Variants in SMC2 observed in about 807,000 individuals in gnomAD.
SMC2 encodes structural maintenance of chromosomes 2, also known as structural maintenance of chromosomes protein 2.
SMC2 carries 41 observed loss-of-function variants against 142.6 expected under a neutral mutation model. The observed-to-expected ratio is 0.29, with a 90% CI of 0.22 to 0.37. The LOEUF (loss-of-function observed/expected upper bound fraction) is 0.37, where lower values mean the gene tolerates loss of function less well. Ranked by LOEUF, SMC2 falls within the 10% of genes least tolerant of loss-of-function variation. The pLI, the probability that SMC2 is intolerant of heterozygous loss-of-function variation, is 1.00. For missense variants in SMC2, 1,265 were observed against 1,373.7 expected (o/e 0.92, Z 1.25); for synonymous variants, 463 against 457.5 (o/e 1.01, Z -0.15).
Position 104,100,140 on chromosome 9 carries a change from C to CA in SMC2, c.535dup (p.Ile179AsnfsTer13), listed in dbSNP as rs1190851291. On this transcript the variant is annotated frameshift_variant, in exon 6 of 25. Transcript: ENST00000374793. LOFTEE classifies it high-confidence loss of function. ...CAGCTGGAACCAGGATGTATGAATACAAAAAAATAGCTGCACAGAAAACTA... is the reference window on the plus strand; with the variant it reads ...CAGCTGGAACCAGGATGTATGAATACAAAAAAAATAGCTGCACAGAAAACTA... 3.2e-6 allele frequency: 5 copies of CA among 1,577,264 alleles called. No individual in the cohort carries two copies. Among genetic ancestry groups the CA allele is most frequent in the Middle Eastern group, 1.8e-4 (1 of 5,692 alleles).
chr9:104,141,312 G>T lies in SMC2; in HGVS notation c.*1997G>T, dbSNP rs1165801901. The T allele has an allele frequency of 6.6e-6, 1 of 152,168 alleles. No homozygotes were observed. The highest frequency in any genetic ancestry group is 2.4e-5 in the African/African-American group (1 of 41,438). 9.4% of individuals were successfully genotyped at this position (152,168 alleles called of 1,614,324 possible). ...TCAGGGTGATAATACAGTTAGGAGTGTCAGGGCCCATGGACAAATCTTGTC... is the reference window on the plus strand; with the variant it reads ...TCAGGGTGATAATACAGTTAGGAGTTTCAGGGCCCATGGACAAATCTTGTC... On this transcript the variant is annotated 3_prime_UTR_variant, in exon 25 of 25. Coordinates refer to ENST00000374793, the MANE Select transcript of SMC2 (RefSeq NM_006444.3).
chr9:104,137,331 TATA>T (rs1434787722), intron 23 of SMC2, among the ~76,000 whole-genome samples: 2 of 152,052 alleles, frequency 1.3e-5, no homozygotes, highest in Non-Finnish European at 1.5e-5. Context: ...AAAGAAAAAA[TATA>T]ATAATAATTA....
chr9:104,140,807 G>A lies in SMC2; in HGVS notation c.*1492G>A, dbSNP rs1328517573. 1 of 152,424 alleles carries A rather than the reference G, an allele frequency of 6.6e-6. No individual in the cohort carries two copies. Among genetic ancestry groups the A allele is most frequent in the Non-Finnish European group, 1.5e-5 (1 of 68,030 alleles). 9.4% of individuals were successfully genotyped at this position (152,424 alleles called of 1,614,324 possible). A position where few individuals can be genotyped will look rare whatever the true frequency, so the allele number is the denominator to read the frequency against. ...ACTGTCAATATTAAAGTATACCATA[G>A]TATACAAATTAGTCAGTACTTGCTG... On this transcript the variant is annotated 3_prime_UTR_variant, in exon 25 of 25. Transcript: ENST00000374793.
chr9:104,118,147 G>A, intron 14 of SMC2, 24 bp from the exon 15 acceptor site: 1 of 1,597,184 alleles, frequency 6.3e-7, no homozygotes, highest in Non-Finnish European at 8.6e-7. Flanking sequence ...TATGTACTGT[G>A]GCATATCTGT....
At chr9:104,132,579 T>G in intron 22 of SMC2, among the ~76,000 whole-genome samples, 2 of 152,290 alleles carry the variant, frequency 1.3e-5, no homozygotes, top group South Asian at 4.1e-4. Flanking sequence ...ATAGAGTTAC[T>G]GTGCTGTTTG....
upstream of SMC2, chr9:104,092,368 A>T (rs1342558656): frequency 6.6e-6 from 1 of 152,248 alleles, no homozygotes; most frequent in African/African-American, 2.4e-5. Context: ...CTAGTTGTTA[A>T]AGTGCAAAGA....
chr9:104,103,751 T>C (rs1476172447), intron 9 of SMC2, among the ~76,000 whole-genome samples: 1 of 152,224 alleles, frequency 6.6e-6, no homozygotes, highest in East Asian at 1.9e-4. Flanking sequence ...AAATTAACTT[T>C]GTGAAAATAA....
intron 10 of SMC2, among the ~76,000 whole-genome samples, chr9:104,112,849 C>A (rs894374345): frequency 6.6e-6 from 1 of 152,102 alleles, no homozygotes; most frequent in African/African-American, 2.4e-5. Context: ...GTTTCTCTGT[C>A]AGTTTAGCTT....
rs556801791 is a variant in SMC2, at chr9:104,096,431, T to C, written c.318+134T>C. ...GTGCCTTAAATTCTGACTAGATTCC[T>C]TAATGTCTTCCTTATATTAAAATCT... On this transcript the variant is annotated intron_variant, in intron 3 of 24. Transcript: ENST00000374793. The C allele has an allele frequency of 3.0e-4, 216 of 714,242 alleles. No homozygotes were observed. The African/African-American group carries it at 3.5e-3, about 11-fold the overall frequency. 44.2% of individuals were successfully genotyped at this position (714,242 alleles called of 1,614,324 possible).
intron 16 of SMC2, among the ~76,000 whole-genome samples, chr9:104,121,961 G>T (rs1007844454): frequency 1.3e-5 from 2 of 152,108 alleles, no homozygotes; most frequent in African/African-American, 4.8e-5. Context: ...CACCACGTTG[G>T]CCAGGTTGGT....
At position 104,139,145 on chromosome 9, in the gene SMC2, G is replaced by A; in HGVS notation, c.3424G>A (p.Val1142Met). 6.4e-7 allele frequency: 1 copy of A among 1,550,714 alleles called. No homozygotes were observed. Among genetic ancestry groups the A allele is most frequent in the East Asian group, 2.4e-5 (1 of 41,674 alleles). ...TTTTTCTTTTTTCCTTAAGTTCATT[G>A]TGGTGTCACTAAAAGAAGGTATGTT... ...RTHFTHSQFI[V>M]VSLKEGMFNN... Residue 1142 changes from valine (V) to methionine (M), a missense_variant, in exon 25 of 25, where the codon GTG (valine) becomes ATG (methionine). Val to Met is a conservative substitution (Grantham distance 21). Around this residue, in one of 4 missense-constraint regions of SMC2, gnomAD observed 192 missense variants for 261.9 expected, o/e 0.73. Coordinates refer to ENST00000374793, the MANE Select transcript of SMC2 (RefSeq NM_006444.3).
intron 16 of SMC2, among the ~76,000 whole-genome samples, chr9:104,121,524 C>T (rs916102161): frequency 1.5e-4 from 22 of 151,524 alleles, no homozygotes; most frequent in Non-Finnish European, 2.4e-4. Flanking sequence ...TTTTAAAGTT[C>T]AATTGTTATT....
At chr9:104,110,293 T>G (rs917388078) in intron 9 of SMC2, among the ~76,000 whole-genome samples, 3 of 152,206 alleles carry the variant, frequency 2.0e-5, no homozygotes, top group African/African-American at 7.2e-5. Flanking sequence ...CAGCTGTGGT[T>G]GCCTGCCTTT....
At position 104,123,091 on chromosome 9, in the gene SMC2, G is replaced by A. The variant is rs371277132; in HGVS notation, c.2133-17G>A. ...GAAAAATGACAGTCATTTCTTACAT[G>A]TTTCTGTTTTTGTAAGGTATCGCCA... On this transcript the variant is annotated splice_polypyrimidine_tract_variant and intron_variant, in intron 16 of 24. Coordinates refer to ENST00000374793, the MANE Select transcript of SMC2 (RefSeq NM_006444.3). The A allele has an allele frequency of 5.7e-6, 9 of 1,591,218 alleles. No individual in the cohort carries two copies. In the African/African-American group the frequency reaches 1.1e-4, roughly 19 times the overall value.
chr9:104,089,182 A>G, the SMC2 span, among the ~76,000 whole-genome samples: 1 of 152,152 alleles, frequency 6.6e-6, no homozygotes, highest in African/African-American at 2.4e-5. Context: ...ATATAGTAAA[A>G]CTTTAGAGAG....
intron 9 of SMC2, among the ~76,000 whole-genome samples, chr9:104,102,948 A>C (rs1831331760): frequency 6.6e-6 from 1 of 152,178 alleles, no homozygotes; most frequent in Non-Finnish European, 1.5e-5. Context: ...TAAGAAATAC[A>C]GTATGAATAT....
At chr9:104,129,332 G>A (rs570917521) in intron 20 of SMC2, among the ~76,000 whole-genome samples, 11 of 152,056 alleles carry the variant, frequency 7.2e-5, no homozygotes, top group African/African-American at 1.7e-4. Flanking sequence ...GAGAAACCCC[G>A]TCTCTACTAA....
rs776518199 is a variant in SMC2 at position 104,113,994 on chromosome 9, G to T, written c.1445G>T (p.Arg482Leu). 7 of 1,590,362 alleles carry T rather than the reference G, an allele frequency of 4.4e-6. No individual in the cohort carries two copies. The highest frequency in any genetic ancestry group is 2.3e-5 in the East Asian group (1 of 43,934). ...AAAGAGGAAAGCCTTTTGGAAAAGC[G>T]CAGGCAGCTGTCTCGTGATATTGGT... ...ENKEESLLEK[R>L]RQLSRDIGRL... The change falls in exon 12 of 25, where the codon CGC becomes CTC. Residue 482 changes from arginine to leucine, a missense_variant. Arg to Leu is a moderately radical substitution (Grantham distance 102). Transcript: ENST00000374793.
chr9:104,121,360 G>A (rs942335956), intron 16 of SMC2, among the ~76,000 whole-genome samples: 1 of 152,012 alleles, frequency 6.6e-6, no homozygotes, highest in African/African-American at 2.4e-5. Context: ...GTCAGGCGTG[G>A]TGGCATGTGC....
Sources: gnomAD v4.1 joint callset for allele counts (sites outside exome capture counted in the v4.1 genomes callset) on GRCh38, gnomAD v4.1.1 for gene constraint, gnomAD v4.1.1 regional missense constraint, MANE v1.5 for transcripts, NCBI Gene and HGNC (gene_info 2026-07-23, HGNC 2026-07-21) for gene names.